Variants in PLCD1 observed in about 807,000 individuals in gnomAD.
PLCD1 encodes the protein 1-phosphatidylinositol 4,5-bisphosphate phosphodiesterase delta-1.
A neutral mutation model predicts 87.4 loss-of-function variants in PLCD1; 71 were observed. The observed-to-expected ratio is 0.81, with a 90% CI of 0.67 to 0.99. The LOEUF (loss-of-function observed/expected upper bound fraction) is 0.99. PLCD1 is among the 50% of genes least tolerant of loss of function. The probability of loss-of-function intolerance (pLI) is 0.00; values close to 1 mark genes in which losing one functional copy is unlikely to be tolerated. For missense variants in PLCD1, 867 were observed against 1,001.5 expected, an observed-to-expected ratio of 0.87 and a Z score of 1.81; for synonymous variants, 348 against 399.2, an observed-to-expected ratio of 0.87 and a Z score of 1.53.
rs1002393735 is a variant in PLCD1 at position 38,009,590 on chromosome 3, C to T, written c.1446+63G>A. On this transcript the variant is annotated intron_variant, in intron 9 of 14. Transcript: ENST00000334661. ...CCACAGAGAACTGAGACAAGGCAGA[C>T]CTCCCACGGGTGAGGGGATGGGGAA... 9.4e-6 allele frequency: 15 copies of T among 1,601,528 alleles called. No homozygotes were observed. The African/African-American group carries it at 1.7e-4, about 19-fold the overall frequency.
At chr3:38,013,092 G>A (rs549387918) in intron 3 of PLCD1, among the ~76,000 whole-genome samples, 6 of 151,678 alleles carry the variant, frequency 4.0e-5, no homozygotes, top group South Asian at 2.1e-4. Flanking sequence ...GTTTTGCCAC[G>A]TTGCCCAGAC....
In PLCD1 at chr3:38,015,346, A is replaced by G. The variant is rs1700139431; in HGVS notation, c.428+1145T>C. Among the ~76,000 whole-genome samples the G allele has an allele frequency of 2.6e-5, 4 of 152,228 alleles. No homozygotes were observed. In the South Asian group the frequency reaches 6.2e-4, roughly 24 times the overall value. On this transcript the variant is annotated intron_variant, in intron 3 of 14. Coordinates refer to ENST00000334661, the MANE Select transcript of PLCD1 (RefSeq NM_006225.4). ...AAAGAAGCCAGTCACAAAAGACTCC[A>G]TGATTCCGTTTCTGTAACATGCCCA...
At chr3:38,029,443 C>G (rs1421144058) in intron 1 of PLCD1, 63 bp downstream of exon 1, 2 of 1,447,946 alleles carry the variant, frequency 1.4e-6, no homozygotes, top group East Asian at 2.5e-5. Context: ...GTCCAGGGCC[C>G]GGAACAGCTT....
intron 11 of PLCD1, 28 bp from the exon 12 acceptor site, chr3:38,008,664 C>A (rs1285283001): frequency 4.3e-6 from 7 of 1,610,612 alleles, no homozygotes; most frequent in Non-Finnish European, 5.1e-6. Context: ...CAGTCACAGG[C>A]TGTGGGCTGG....
chr3:38,008,268 C>T lies in PLCD1; in HGVS notation c.2002G>A (p.Ala668Thr). 2 of 1,614,164 alleles carry T rather than the reference C, an allele frequency of 1.2e-6. No homozygotes were observed. The highest frequency in any genetic ancestry group is 4.5e-5 in the East Asian group (2 of 44,882). The change falls in exon 13 of 15, where the codon GCC (alanine) becomes ACC (threonine). Residue 668 changes from alanine to threonine, a missense_variant. By Grantham distance (58) the Ala-to-Thr change is moderately conservative. Transcript: ENST00000334661. ...VEIHGVSRDV[A>T]SRQTAVITNN... ...GTGATGACAGCAGTCTGGCGGCTGG[C>T]CACGTCCCGGCTCACGCCATGGATC...
chr3:38,015,290 T>C (rs1700138273), intron 3 of PLCD1, among the ~76,000 whole-genome samples: 1 of 152,224 alleles, frequency 6.6e-6, no homozygotes, highest in African/African-American at 2.4e-5. Flanking sequence ...GGCTACAACA[T>C]GGATGAATAT....
intron 2 of PLCD1, among the ~76,000 whole-genome samples, 188 bp downstream of exon 2, chr3:38,020,000 T>C (rs1700209917): frequency 6.6e-6 from 1 of 152,156 alleles, no homozygotes; most frequent in Non-Finnish European, 1.5e-5. Context: ...TAACTGGCCC[T>C]GCTCCCCAAC....
In PLCD1 at chr3:38,008,278, G is replaced by T; in HGVS notation, c.1992C>A (p.Ser664Arg). ...CAGTCTGGCGGCTGGCCACGTCCCG[G>T]CTCACGCCATGGATCTCCACTGTCA... ...PKVTVEIHGV[S>R]RDVASRQTAV... Residue 664 changes from serine (S) to arginine (R), a missense_variant, in exon 13 of 15, where the codon AGC becomes AGA. Physicochemically the swap from Ser to Arg is moderately radical, Grantham distance 110 (BLOSUM62 -1). Coordinates refer to ENST00000334661, the MANE Select transcript of PLCD1 (RefSeq NM_006225.4). 6.2e-7 allele frequency: 1 copy of T among 1,614,196 alleles called. No individual in the cohort carries two copies. The highest frequency in any genetic ancestry group is 8.5e-7 in the Non-Finnish European group (1 of 1,180,030).
chr3:38,008,512 G>A lies in PLCD1; in HGVS notation c.1848C>T (p.Asn616=), dbSNP rs199736349. Residue 616 remains asparagine, a synonymous_variant, in exon 12 of 15, where the codon AAC becomes AAT. Coordinates refer to ENST00000334661, the MANE Select transcript of PLCD1 (RefSeq NM_006225.4). ...AFLRDPNGTF[N]PRALAQGPWW... ...AGGGCCCCTGAGCCAGGGCGCGGGG[G>A]TTAAAGGTGCCGTTGGGGTCTCGCA... is the stretch of plus-strand genomic sequence containing the variant. 1.1e-5 allele frequency: 18 copies of A among 1,614,200 alleles called. No individual in the cohort carries two copies. The highest frequency in any genetic ancestry group is 1.7e-4 in the Middle Eastern group (1 of 6,060).
chr3:38,012,799 G>C (rs1700101382), intron 3 of PLCD1, among the ~76,000 whole-genome samples: 1 of 152,174 alleles, frequency 6.6e-6, no homozygotes, highest in African/African-American at 2.4e-5. Flanking sequence ...TTACACGTGT[G>C]AGCCACGGCA....
chr3:38,008,101 T>C lies in PLCD1; in HGVS notation c.2098A>G (p.Ile700Val), dbSNP rs201646348. 24 of 1,613,502 alleles carry C rather than the reference T, an allele frequency of 1.5e-5. No individual in the cohort carries two copies. In the Admixed American group the frequency reaches 3.0e-4, roughly 20 times the overall value. ...FEVVVPDLAL[I>V]RFLVEDYDAS... ...TCATAATCTTCCACCAAGAAGCGGA[T>C]GAGGGCAAGGTCAGGCACAACTACC... is the stretch of plus-strand genomic sequence containing the variant. The change falls in exon 14 of 15, where the codon ATC becomes GTC. Residue 700 changes from isoleucine to valine, a missense_variant. Physicochemically the swap from Ile to Val is conservative, Grantham distance 29. Transcript: ENST00000334661.
Position 38,016,672 on chromosome 3 carries a change from C to T in PLCD1, c.247G>A (p.Gly83Ser). 6.3e-7 allele frequency: 1 copy of T among 1,584,116 alleles called. No homozygotes were observed. The change falls in exon 3 of 15, where the codon GGT becomes AGT. Residue 83 changes from glycine (G) to serine (S), a missense_variant. Physicochemically the swap from Gly to Ser is moderately conservative, Grantham distance 56. Coordinates refer to ENST00000334661, the MANE Select transcript of PLCD1 (RefSeq NM_006225.4). ...ACATCACGGGCGAACTTCTCCAGAC[C>T]CTCCGTGCGGTGCCCCATTCGCACC... ...QEVRMGHRTE[G>S]LEKFARDVPE...
Position 38,007,566 on chromosome 3 carries a change from T to C in PLCD1, c.*207A>G. The C allele has an allele frequency of 1.4e-6, 1 of 697,608 alleles. No homozygotes were observed. The highest frequency in any genetic ancestry group is 2.6e-6 in the Non-Finnish European group (1 of 382,710). The allele number at this position is 697,608 out of a possible 1,614,324, so 43.2% of individuals were successfully genotyped here. Reference sequence around the variant, plus strand: ...CCGGAGGGTGGAGAGGGCTGCAGTGTTATTCCTAACGGAATGAAGGACAGC... The same window carrying C: ...CCGGAGGGTGGAGAGGGCTGCAGTGCTATTCCTAACGGAATGAAGGACAGC... On this transcript the variant is annotated 3_prime_UTR_variant, in exon 15 of 15. Coordinates refer to ENST00000334661, the MANE Select transcript of PLCD1 (RefSeq NM_006225.4).
intron 3 of PLCD1, among the ~76,000 whole-genome samples, chr3:38,015,923 C>A (rs532642251): frequency 2.0e-5 from 3 of 152,228 alleles, no homozygotes; most frequent in African/African-American, 7.2e-5. Context: ...AGACCCCCAA[C>A]TCCATGCTGG....
rs1384080646 is a variant in PLCD1 at position 38,009,031 on chromosome 3, C to T, written c.1723+11G>A. 5.0e-6 allele frequency: 8 copies of T among 1,604,456 alleles called. No individual in the cohort carries two copies. Among genetic ancestry groups the T allele is most frequent in the Non-Finnish European group, 6.8e-6 (8 of 1,172,610 alleles). On this transcript the variant is annotated intron_variant, in intron 11 of 14. Coordinates refer to ENST00000334661, the MANE Select transcript of PLCD1 (RefSeq NM_006225.4). ...TCCTCCAGGCCTCCTCCAGCCCCAG[C>T]CAGCCCATACCGATCTGGCAGCCCC...
intron 1 of PLCD1, among the ~76,000 whole-genome samples, chr3:38,020,736 C>A (rs1255377128): frequency 6.6e-6 from 1 of 152,174 alleles, no homozygotes; most frequent in African/African-American, 2.4e-5. Flanking sequence ...ATTAGGTGAG[C>A]CCCTCCTGGT....
At chr3:38,020,085 G>C in intron 2 of PLCD1, 103 bp downstream of exon 2, 1 of 1,091,196 alleles carries the variant, frequency 9.2e-7, no homozygotes, top group Non-Finnish European at 1.4e-6. Flanking sequence ...CCAGGCCTCA[G>C]TTTCCCCATC....
At position 38,008,167 on chromosome 3, in the gene PLCD1, G is replaced by A. The variant is rs1699996542; in HGVS notation, c.2036-4C>T. The stretch of plus-strand genomic sequence containing the variant: ...GTGTCCCACCATGGGTTGAAACCTA[G>A]GGGGACAGGCACCATATCAGCAGCA... On this transcript the variant is annotated splice_region_variant and splice_polypyrimidine_tract_variant and intron_variant, in intron 13 of 14. Coordinates refer to ENST00000334661, the MANE Select transcript of PLCD1 (RefSeq NM_006225.4). 1.2e-6 allele frequency: 2 copies of A among 1,613,560 alleles called. No homozygotes were observed. The highest frequency in any genetic ancestry group is 8.5e-7 in the Non-Finnish European group (1 of 1,180,010).
At chr3:38,009,506 G>C in intron 9 of PLCD1, 75 bp from the exon 10 acceptor site, 2 of 1,579,344 alleles carry the variant, frequency 1.3e-6, no homozygotes, top group Non-Finnish European at 1.7e-6. Flanking sequence ...CAGAAACCCA[G>C]GCGCAGAGAG....
Sources: gnomAD v4.1 joint callset for allele counts (sites outside exome capture counted in the v4.1 genomes callset) on GRCh38, gnomAD v4.1.1 for gene constraint, MANE v1.5 for transcripts, NCBI Gene and HGNC (gene_info 2026-07-23, HGNC 2026-07-21) for gene names.